Variants in ATP9A observed in about 807,000 individuals in gnomAD.
ATP9A encodes probable phospholipid-transporting ATPase IIA.
ATP9A carries 52 observed loss-of-function variants against 144.1 expected under a neutral mutation model. The observed-to-expected ratio is 0.36, with a 90% CI of 0.29 to 0.45. The LOEUF (loss-of-function observed/expected upper bound fraction) is 0.45, where lower values mean the gene tolerates loss of function less well. ATP9A is among the 20% of genes least tolerant of loss of function. The probability of loss-of-function intolerance (pLI) is 1.00; values close to 1 mark genes in which losing one functional copy is unlikely to be tolerated. For synonymous variants in ATP9A, 582 were observed against 557.4 expected (o/e 1.04, Z -0.62); for missense variants, 947 against 1,392.7 (o/e 0.68, Z 5.09).
intron 3 of ATP9A, among the ~76,000 whole-genome samples, chr20:51,723,597 G>T (rs1482021512): frequency 7.3e-6 from 1 of 137,646 alleles, no homozygotes; most frequent in African/African-American, 2.7e-5. Context: ...ACGGAGTCTC[G>T]CTCTGTTGAC....
chr20:51,622,136 T>C lies in ATP9A; in HGVS notation c.2053A>G (p.Thr685Ala). ...MLTGDKLETA[T>A]CTAKNAHLVT... Reference sequence around the variant, plus strand: ...AGATGTGCATTCTTCGCTGTGCACGTAGCTGTCTCCAGCTTGTCCCCTGTC... The same window carrying C: ...AGATGTGCATTCTTCGCTGTGCACGCAGCTGTCTCCAGCTTGTCCCCTGTC... Residue 685 changes from threonine to alanine, a missense_variant, in exon 19 of 28, where the codon ACG becomes GCG. Physicochemically the swap from Thr to Ala is moderately conservative, Grantham distance 58. Transcript: ENST00000338821. 1 of 1,614,204 alleles carries C rather than the reference T, an allele frequency of 6.2e-7. No homozygotes were observed. Among genetic ancestry groups the C allele is most frequent in the Non-Finnish European group, 8.5e-7 (1 of 1,180,020 alleles).
chr20:51,727,260 G>A (rs2077718794), intron 2 of ATP9A, among the ~76,000 whole-genome samples: 1 of 149,618 alleles, frequency 6.7e-6, no homozygotes, highest in Non-Finnish European at 1.5e-5. Flanking sequence ...GGGTGACAGA[G>A]CAAAACTCCA....
intron 1 of ATP9A, among the ~76,000 whole-genome samples, chr20:51,754,422 G>A (rs2077847183): frequency 6.6e-6 from 1 of 152,074 alleles, no homozygotes; most frequent in African/African-American, 2.4e-5. Context: ...AGAATTGCTT[G>A]AACCCAGGAG....
chr20:51,653,917 C>T (rs1275229036), intron 14 of ATP9A, among the ~76,000 whole-genome samples: 1 of 152,108 alleles, frequency 6.6e-6, no homozygotes, highest in East Asian at 1.9e-4. Flanking sequence ...GTTCCAAGTC[C>T]ATAGCTACCA....
At chr20:51,746,920 G>A (rs990347032) in intron 1 of ATP9A, among the ~76,000 whole-genome samples, 5 of 150,756 alleles carry the variant, frequency 3.3e-5, no homozygotes, top group African/African-American at 7.3e-5. Context: ...GCAGGAGAAT[G>A]GCTTGAACCC....
At chr20:51,712,115 C>T (rs1601120584) in intron 4 of ATP9A, among the ~76,000 whole-genome samples, 1 of 150,954 alleles carries the variant, frequency 6.6e-6, no homozygotes, top group Middle Eastern at 3.4e-3. Context: ...CTCTGTCGCC[C>T]AGGCTGGAGT....
intron 1 of ATP9A, among the ~76,000 whole-genome samples, chr20:51,738,180 C>T (rs2077770462): frequency 6.6e-6 from 1 of 151,976 alleles, no homozygotes; most frequent in Non-Finnish European, 1.5e-5. Flanking sequence ...AGGAACCCAA[C>T]ACCACGCCCG....
chr20:51,605,410 G>T (rs2077159280), intron 26 of ATP9A, among the ~76,000 whole-genome samples: 1 of 152,174 alleles, frequency 6.6e-6, no homozygotes, highest in Admixed American at 6.5e-5. Context: ...TTGAGCTCAG[G>T]AGTCTGAGAC....
At chr20:51,758,936 G>GA (rs2122916605) in intron 1 of ATP9A, among the ~76,000 whole-genome samples, 1 of 152,174 alleles carries the variant, frequency 6.6e-6, no homozygotes, top group African/African-American at 2.4e-5. Context: ...AAAAAGAAAA[G>GA]AAAGAGCCCG....
chr20:51,648,264 C>T (rs932388571), intron 14 of ATP9A, among the ~76,000 whole-genome samples: 2 of 152,182 alleles, frequency 1.3e-5, no homozygotes, highest in African/African-American at 2.4e-5. Context: ...GCAGAAGGAC[C>T]GCGAGATTGC....
intron 1 of ATP9A, among the ~76,000 whole-genome samples, chr20:51,736,211 A>T (rs1835944007): frequency 6.6e-6 from 1 of 152,254 alleles, no homozygotes; most frequent in South Asian, 2.1e-4. Flanking sequence ...GCAGAAATGC[A>T]CCCATCACGG....
At chr20:51,699,207 T>C (rs1276334390) in intron 4 of ATP9A, among the ~76,000 whole-genome samples, 1 of 151,668 alleles carries the variant, frequency 6.6e-6, no homozygotes, top group Non-Finnish European at 1.5e-5. Flanking sequence ...CAAGGCATAG[T>C]GGCAGGCACG....
chr20:51,671,061 C>T (rs1434278403), intron 12 of ATP9A, 54 bp downstream of exon 12: 1 of 1,592,146 alleles, frequency 6.3e-7, no homozygotes, highest in Non-Finnish European at 8.6e-7. Context: ...AGCCAAAGCC[C>T]TCAGGCATCT....
intron 1 of ATP9A, among the ~76,000 whole-genome samples, chr20:51,745,985 T>C (rs2077806280): frequency 6.6e-6 from 1 of 152,208 alleles, no homozygotes; most frequent in Non-Finnish European, 1.5e-5. Flanking sequence ...GCACATGGAA[T>C]ACTACGCAGC....
intron 15 of ATP9A, among the ~76,000 whole-genome samples, chr20:51,634,444 G>A (rs1402269330): frequency 6.6e-6 from 1 of 152,148 alleles, no homozygotes; most frequent in Non-Finnish European, 1.5e-5. Flanking sequence ...AGCCAGGTGT[G>A]GACCAGTGGG....
At position 51,730,503 on chromosome 20, in the gene ATP9A, G is replaced by A. The variant is rs537723124; in HGVS notation, c.69-525C>T. Among the ~76,000 whole-genome samples the A allele has an allele frequency of 4.6e-5, 7 of 152,284 alleles. No individual in the cohort carries two copies. The South Asian group carries it at 1.2e-3, about 27-fold the overall frequency. On this transcript the variant is annotated intron_variant, in intron 1 of 27. Coordinates refer to ENST00000338821, the MANE Select transcript of ATP9A (RefSeq NM_006045.3). The stretch of plus-strand genomic sequence containing the variant: ...AAATAAATAAATAAAAAGATGCTTT[G>A]TCCCCAATCCCAAATTATTTACAGT...
chr20:51,748,270 T>C (rs934795138), intron 1 of ATP9A, among the ~76,000 whole-genome samples: 2 of 152,034 alleles, frequency 1.3e-5, no homozygotes, highest in Non-Finnish European at 2.9e-5. Flanking sequence ...CATAGTGAGA[T>C]CCCATCTCTA....
chr20:51,642,726 CAAAAAAAAAAAAAAAAAAAA>C (rs778440862), intron 14 of ATP9A, among the ~76,000 whole-genome samples: 376 of 31,162 alleles, frequency 0.012, 13 homozygotes, highest in African/African-American at 0.032. Flanking sequence ...ACTCTGTCTC[CAAAAAAAAAAAAAAAAAAAA>C]AAAAAAAAAA....
intron 13 of ATP9A, among the ~76,000 whole-genome samples, chr20:51,666,671 C>T (rs2077434193): frequency 7.8e-6 from 1 of 128,498 alleles, no homozygotes; most frequent in Admixed American, 8.2e-5. Context: ...CAGAGTGAGA[C>T]TGTGTCTTAA....
Sources: allele counts gnomAD v4.1 joint callset (sites outside exome capture counted in the v4.1 genomes callset), GRCh38; gene constraint gnomAD v4.1.1; transcripts MANE v1.5; gene names NCBI Gene and HGNC (gene_info 2026-07-23, HGNC 2026-07-21).